STK33: variants seen among roughly 807,000 people sequenced by gnomAD.
The protein encoded by STK33 is serine/threonine kinase 33, also known as serine/threonine-protein kinase 33.
Under a neutral mutation model 58.0 loss-of-function variants are expected in STK33, and 52 were observed. That is an observed-to-expected ratio of 0.90 (90% CI 0.72 to 1.13). The LOEUF (loss-of-function observed/expected upper bound fraction) is 1.13. Among genes scored for constraint, STK33 ranks in the 50% most tolerant of loss-of-function variants. STK33 has a pLI of 0.00. For synonymous variants in STK33, 215 were observed against 200.1 expected (o/e 1.07, Z -0.63); for missense variants, 630 against 604.2 (o/e 1.04, Z -0.45).
At chr11:8,503,323 T>A (rs748178352) in intron 1 of STK33, among the ~76,000 whole-genome samples, 18 of 152,014 alleles carry the variant, frequency 1.2e-4, no homozygotes, top group Admixed American at 4.6e-4. Flanking sequence ...TGTAGCAACA[T>A]AGATGGATTG....
chr11:8,576,412 C>T (rs1334083167), intron 1 of STK33, among the ~76,000 whole-genome samples: 1 of 152,104 alleles, frequency 6.6e-6, no homozygotes, highest in Non-Finnish European at 1.5e-5. Context: ...GTTCATGAAA[C>T]CATCTAATGT....
At chr11:8,584,643 C>T (rs371914090) in intron 1 of STK33, among the ~76,000 whole-genome samples, 2 of 152,278 alleles carry the variant, frequency 1.3e-5, no homozygotes, top group South Asian at 4.2e-4. Flanking sequence ...CGCCTTCCTC[C>T]TTATGCCTGG....
chr11:8,562,494 G>A (rs1195416424), intron 1 of STK33, among the ~76,000 whole-genome samples: 1 of 122,602 alleles, frequency 8.2e-6, no homozygotes, highest in Non-Finnish European at 1.7e-5. Context: ...TCTGCACTCT[G>A]TTTACAGTCT....
intron 1 of STK33, among the ~76,000 whole-genome samples, chr11:8,503,926 T>G (rs963308097): frequency 1.3e-5 from 2 of 152,198 alleles, no homozygotes; most frequent in Non-Finnish European, 2.9e-5. Flanking sequence ...TTTAAATAGG[T>G]AGGACTCTTT....
At chr11:8,356,914 A>G in the STK33 span, among the ~76,000 whole-genome samples, 1 of 152,148 alleles carries the variant, frequency 6.6e-6, no homozygotes, top group Non-Finnish European at 1.5e-5. Context: ...GAGAGACAGG[A>G]GCCTGACCCC....
At chr11:8,399,579 C>T (rs1850013307) in intron 15 of STK33, among the ~76,000 whole-genome samples, 1 of 152,078 alleles carries the variant, frequency 6.6e-6, no homozygotes, top group African/African-American at 2.4e-5. Flanking sequence ...AGAGCAAACA[C>T]ATTCAAAAGC....
chr11:8,350,184 C>T, the STK33 span, among the ~76,000 whole-genome samples: 39 of 152,330 alleles, frequency 2.6e-4, no homozygotes, highest in Admixed American at 8.5e-4. Flanking sequence ...TGGTGGCAGA[C>T]GATTTGGATC....
intron 1 of STK33, among the ~76,000 whole-genome samples, chr11:8,530,422 A>G (rs760816529): frequency 1.3e-5 from 2 of 152,028 alleles, no homozygotes; most frequent in Non-Finnish European, 2.9e-5. Context: ...ATTTTCTTGT[A>G]CCAGTGGAGA....
the STK33 span, among the ~76,000 whole-genome samples, chr11:8,352,339 C>A: frequency 3.3e-5 from 5 of 152,190 alleles, no homozygotes; most frequent in South Asian, 2.1e-4. Context: ...GCAGAACCTG[C>A]CAAAAGGAGT....
At chr11:8,490,223 A>G (rs1205632131) in intron 1 of STK33, among the ~76,000 whole-genome samples, 1 of 152,218 alleles carries the variant, frequency 6.6e-6, no homozygotes. Flanking sequence ...TAAATACTGT[A>G]CTTTTCCAAT....
At chr11:8,513,214 T>C (rs976140549) in intron 1 of STK33, among the ~76,000 whole-genome samples, 1 of 152,148 alleles carries the variant, frequency 6.6e-6, no homozygotes, top group Admixed American at 6.5e-5. Context: ...AGCTTGCTTC[T>C]GCTCATCAAG....
At chr11:8,463,758 T>A (rs1947847218) in intron 7 of STK33, among the ~76,000 whole-genome samples, 1 of 152,160 alleles carries the variant, frequency 6.6e-6, no homozygotes, top group African/African-American at 2.4e-5. Context: ...AATATAAATA[T>A]GAAAGATTAT....
chr11:8,549,169 T>A (rs1284220811), intron 1 of STK33, among the ~76,000 whole-genome samples: 1 of 152,186 alleles, frequency 6.6e-6, no homozygotes, highest in Non-Finnish European at 1.5e-5. Flanking sequence ...TTGTTCAGAG[T>A]TTTTATCATG....
At chr11:8,339,787 G>A in the STK33 span, among the ~76,000 whole-genome samples, 43 of 152,348 alleles carry the variant, frequency 2.8e-4, no homozygotes, top group Non-Finnish European at 3.7e-4. Flanking sequence ...CTCCGGCTCC[G>A]CCTGGGGCAG....
At chr11:8,564,367 T>C (rs1957311744) in intron 1 of STK33, among the ~76,000 whole-genome samples, 1 of 152,214 alleles carries the variant, frequency 6.6e-6, no homozygotes, top group Non-Finnish European at 1.5e-5. Context: ...AAGCAGGCAC[T>C]CTGGCCTTAC....
At chr11:8,436,631 T>C (rs368053553) in intron 12 of STK33, among the ~76,000 whole-genome samples, 15 of 152,214 alleles carry the variant, frequency 9.9e-5, no homozygotes, top group Admixed American at 1.3e-4. Flanking sequence ...CTAAGGCTTT[T>C]ATCCATAGTA....
intron 8 of STK33, among the ~76,000 whole-genome samples, chr11:8,461,050 C>T (rs1947459422): frequency 1.3e-5 from 2 of 152,180 alleles, no homozygotes; most frequent in Non-Finnish European, 2.9e-5. Flanking sequence ...GTGAGGTCAA[C>T]ACTGTTATCA....
At chr11:8,417,029 C>A (rs1941234204) in intron 14 of STK33, among the ~76,000 whole-genome samples, 1 of 152,102 alleles carries the variant, frequency 6.6e-6, no homozygotes, top group African/African-American at 2.4e-5. Flanking sequence ...TCTAGTTCAA[C>A]AGAAATTACA....
At chr11:8,512,997 A>G (rs1952464438) in intron 1 of STK33, among the ~76,000 whole-genome samples, 1 of 152,214 alleles carries the variant, frequency 6.6e-6, no homozygotes, top group South Asian at 2.1e-4. Context: ...AAAAAATTAA[A>G]CAAATTATGA....
Sources: gnomAD v4.1 joint callset for allele counts (sites outside exome capture counted in the v4.1 genomes callset) on GRCh38, gnomAD v4.1.1 for gene constraint, MANE v1.5 for transcripts, NCBI Gene and HGNC (gene_info 2026-07-23, HGNC 2026-07-21) for gene names.